Variants in SSH2 observed in about 807,000 individuals in gnomAD.
The protein encoded by SSH2 is slingshot protein phosphatase 2.
In SSH2, 37 loss-of-function variants were observed where a neutral mutation model predicts 135.2. The observed-to-expected ratio is 0.27, with a 90% CI of 0.21 to 0.36. The LOEUF is 0.36. Ranked by LOEUF, SSH2 falls within the 10% of genes least tolerant of loss-of-function variation. SSH2 has a pLI of 1.00. For missense variants in SSH2, 1,408 were observed against 1,765.3 expected, an observed-to-expected ratio of 0.80 and a Z score of 3.63; for synonymous variants, 628 against 646.2, an observed-to-expected ratio of 0.97 and a Z score of 0.43.
chr17:29,703,425 T>C lies in SSH2; in HGVS notation c.189-363A>G, dbSNP rs529481858. Among the ~76,000 whole-genome samples the C allele has an allele frequency of 2.6e-5, 4 of 151,864 alleles. No individual in the cohort carries two copies. The East Asian group carries it at 7.8e-4, about 29-fold the overall frequency. ...CCACCACACCCAGCTAATTTTTGAA[T>C]ATTAGTAGAGAGTGTTTCACTATGT... is the stretch of plus-strand genomic sequence containing the variant. On this transcript the variant is annotated intron_variant, in intron 3 of 15. Transcript: ENST00000540801.
At chr17:29,696,349 T>C (rs1001000477) in intron 4 of SSH2, among the ~76,000 whole-genome samples, 3 of 147,106 alleles carry the variant, frequency 2.0e-5, no homozygotes, top group Non-Finnish European at 3.0e-5. Flanking sequence ...TGTGTGTATA[T>C]ATATACTCTC....
chr17:29,716,516 T>C (rs961472387), intron 3 of SSH2: 6 of 717,928 alleles, frequency 8.4e-6, no homozygotes, highest in African/African-American at 1.7e-5. Context: ...AGTTCTGCCA[T>C]GGTAACACTT....
intron 3 of SSH2, among the ~76,000 whole-genome samples, chr17:29,758,177 T>A (rs1419233375): frequency 6.6e-6 from 1 of 152,194 alleles, no homozygotes; most frequent in Non-Finnish European, 1.5e-5. Context: ...AGCAAATATA[T>A]TTTTCAGGAA....
chr17:29,732,285 T>G (rs1474446503), intron 3 of SSH2, among the ~76,000 whole-genome samples: 1 of 151,974 alleles, frequency 6.6e-6, no homozygotes, highest in African/African-American at 2.4e-5. Context: ...GCACCAGGAG[T>G]ATATAAATGC....
chr17:29,894,134 A>G (rs2066400628), intron 1 of SSH2, among the ~76,000 whole-genome samples: 1 of 152,064 alleles, frequency 6.6e-6, no homozygotes, highest in Admixed American at 6.6e-5. Flanking sequence ...TTACTGTGTA[A>G]GCTTGGATCT....
chr17:29,735,630 G>C (rs563864012), intron 3 of SSH2, among the ~76,000 whole-genome samples: 156 of 151,132 alleles, frequency 1.0e-3, no homozygotes, highest in Non-Finnish European at 1.2e-3. Flanking sequence ...CTGGGAGGTG[G>C]AGGTTGCAGT....
chr17:29,729,939 T>A (rs2040123382), intron 3 of SSH2, among the ~76,000 whole-genome samples: 1 of 152,138 alleles, frequency 6.6e-6, no homozygotes. Context: ...TACAAAAATA[T>A]AGTTAGACAG....
In SSH2 at chr17:29,726,531, A is replaced by G. The variant is rs117292872; in HGVS notation, c.189-23469T>C. Among the ~76,000 whole-genome samples, 177 of 152,336 alleles carry G rather than the reference A, an allele frequency of 1.2e-3. 4 individuals are homozygous for G. The East Asian group carries it at 0.03, about 26-fold the overall frequency. On this transcript the variant is annotated intron_variant, in intron 3 of 15. Transcript: ENST00000540801. ...AAAGGGAGACAGATGTCACTTTGGT[A>G]TTCCAGGCAAGTAACAAGGGTGGTC...
chr17:29,841,074 T>C (rs1397301701), intron 2 of SSH2, among the ~76,000 whole-genome samples: 1 of 152,160 alleles, frequency 6.6e-6, no homozygotes, highest in African/African-American at 2.4e-5. Context: ...TGGTTATTCC[T>C]GGTGTATGAT....
At chr17:29,781,181 A>G (rs780426643) in intron 3 of SSH2, among the ~76,000 whole-genome samples, 5 of 152,216 alleles carry the variant, frequency 3.3e-5, no homozygotes, top group African/African-American at 4.8e-5. Flanking sequence ...TAACTAGAAC[A>G]TATACTGAGG....
chr17:29,632,145 C>A lies in SSH2; in HGVS notation c.3049G>T (p.Val1017Leu). Residue 1017 changes from valine to leucine, a missense_variant, in exon 16 of 16, where the codon GTG becomes TTG. Physicochemically the swap from Val to Leu is conservative, Grantham distance 32 (BLOSUM62 1). Coordinates refer to ENST00000540801, the MANE Select transcript of SSH2 (RefSeq NM_001282129.2). The stretch of plus-strand genomic sequence containing the variant: ...GTTTCAGACTCCTGGTATGGAATCA[C>A]AGTCCTCAGATCCTTCAGGACTCCT... ...QEGVLKDLRT[V>L]IPYQESETQA... 6.2e-7 allele frequency: 1 copy of A among 1,614,114 alleles called. No individual in the cohort carries two copies. The highest frequency in any genetic ancestry group is 8.5e-7 in the Non-Finnish European group (1 of 1,180,024).
chr17:29,891,491 C>T (rs1056984220), intron 1 of SSH2, among the ~76,000 whole-genome samples: 8 of 151,190 alleles, frequency 5.3e-5, no homozygotes, highest in East Asian at 1.9e-4. Flanking sequence ...TTTATTGAAA[C>T]GAAAGTACAC....
chr17:29,677,436 A>G (rs909825542), intron 7 of SSH2, among the ~76,000 whole-genome samples: 3 of 152,216 alleles, frequency 2.0e-5, no homozygotes, highest in Non-Finnish European at 4.4e-5. Flanking sequence ...CCAACAAACT[A>G]GTTCTTCTTT....
At chr17:29,767,413 T>A (rs943106737) in intron 3 of SSH2, among the ~76,000 whole-genome samples, 2 of 152,006 alleles carry the variant, frequency 1.3e-5, no homozygotes, top group Admixed American at 1.3e-4. Context: ...TGAAACATTT[T>A]ATTTTTTAAA....
At chr17:29,876,891 T>C (rs2066043930) in intron 1 of SSH2, among the ~76,000 whole-genome samples, 2 of 151,674 alleles carry the variant, frequency 1.3e-5, no homozygotes, top group African/African-American at 4.8e-5. Context: ...GGCAAAAAGC[T>C]TTTGCACAGC....
intron 2 of SSH2, among the ~76,000 whole-genome samples, chr17:29,835,811 C>CTAAAA (rs1204028298): frequency 4.6e-5 from 7 of 151,984 alleles, no homozygotes; most frequent in African/African-American, 1.7e-4. Flanking sequence ...TACCCTATCT[C>CTAAAA]TACTAAAAAT....
At chr17:29,725,310 G>A (rs2039964527) in intron 3 of SSH2, among the ~76,000 whole-genome samples, 1 of 112,576 alleles carries the variant, frequency 8.9e-6, no homozygotes. Context: ...TTGCACCACT[G>A]CACTCCAGCC....
chr17:29,681,235 T>C (rs1438906904), intron 6 of SSH2, among the ~76,000 whole-genome samples: 1 of 141,166 alleles, frequency 7.1e-6, no homozygotes, highest in African/African-American at 2.7e-5. Flanking sequence ...CTTGGGAGGC[T>C]GAGGCAGGAG....
intron 12 of SSH2, among the ~76,000 whole-genome samples, chr17:29,654,340 C>G (rs1210804595): frequency 6.6e-6 from 1 of 152,082 alleles, no homozygotes; most frequent in Non-Finnish European, 1.5e-5. Flanking sequence ...ATTAAGCAAC[C>G]AGATTCCCCT....
Sources: allele counts gnomAD v4.1 joint callset (sites outside exome capture counted in the v4.1 genomes callset), GRCh38; gene constraint gnomAD v4.1.1; transcripts MANE v1.5; gene names NCBI Gene and HGNC (gene_info 2026-07-23, HGNC 2026-07-21).